PUM3: variants seen among roughly 807,000 people sequenced by gnomAD.
The protein encoded by PUM3 is pumilio RNA binding family member 3.
Under a neutral mutation model 84.0 loss-of-function variants are expected in PUM3, and 91 were observed. The ratio of observed to expected loss-of-function variants is 1.08; its 90% CI spans 0.91 to 1.29. The LOEUF (loss-of-function observed/expected upper bound fraction) is 1.29. Ranked by LOEUF, PUM3 falls within the 50% of genes most tolerant of loss-of-function variation. The pLI is 0.00. For synonymous variants in PUM3, 321 were observed against 266.7 expected (o/e 1.20, Z -1.98); for missense variants, 1,067 against 767.5 (o/e 1.39, Z -4.61).
At chr9:2,805,303 A>T (rs954709147) in intron 17 of PUM3, among the ~76,000 whole-genome samples, 2 of 152,194 alleles carry the variant, frequency 1.3e-5, no homozygotes, top group African/African-American at 2.4e-5. Context: ...AAGTGAAAGG[A>T]GCCATAGAGG....
chr9:2,824,590 G>T, intron 11 of PUM3, 127 bp downstream of exon 11: 2 of 479,526 alleles, frequency 4.2e-6, no homozygotes, highest in Non-Finnish European at 6.8e-6. Context: ...CACAACTTTT[G>T]GAAGATAATG....
At chr9:2,817,961 G>T (rs1821505517) in intron 13 of PUM3, among the ~76,000 whole-genome samples, 1 of 152,224 alleles carries the variant, frequency 6.6e-6, no homozygotes, top group Non-Finnish European at 1.5e-5. Context: ...TAAACTGGAT[G>T]AAACTTTATG....
chr9:2,823,909 T>C, intron 11 of PUM3, 75 bp from the exon 12 acceptor site: 2 of 702,744 alleles, frequency 2.8e-6, no homozygotes, highest in Non-Finnish European at 4.7e-6. Context: ...CATTTTAATA[T>C]AATATTTATT....
At chr9:2,840,749 T>C (rs560454333) in intron 1 of PUM3, among the ~76,000 whole-genome samples, 1 of 152,360 alleles carries the variant, frequency 6.6e-6, no homozygotes, top group East Asian at 1.9e-4. Flanking sequence ...TTGTTTTGCT[T>C]TTAAAGCACA....
chr9:2,813,603 G>C (rs1263048909), intron 13 of PUM3, among the ~76,000 whole-genome samples: 7 of 152,168 alleles, frequency 4.6e-5, no homozygotes, highest in African/African-American at 9.7e-5. Context: ...AATTCTCTCT[G>C]AGATGATATA....
At chr9:2,811,187 C>T (rs1821361160) in intron 15 of PUM3, among the ~76,000 whole-genome samples, 174 bp downstream of exon 15, 1 of 152,090 alleles carries the variant, frequency 6.6e-6, no homozygotes, top group Non-Finnish European at 1.5e-5. Flanking sequence ...AGGCTTTGAC[C>T]CAGATGGTTA....
Position 2,838,415 on chromosome 9 carries a change from G to C in PUM3, c.82+11C>G. 14 of 1,581,380 alleles carry C rather than the reference G, an allele frequency of 8.9e-6. No homozygotes were observed. Among genetic ancestry groups the C allele is most frequent in the Non-Finnish European group, 1.2e-5 (14 of 1,150,406 alleles). Reference sequence around the variant, plus strand: ...TAACAGCCAAACACCCACATGGGAAGCATATCTTACCACTATTTTTATGAA... The same window carrying C: ...TAACAGCCAAACACCCACATGGGAACCATATCTTACCACTATTTTTATGAA... On this transcript the variant is annotated intron_variant, in intron 2 of 17. Transcript: ENST00000397885.
chr9:2,804,887 C>T (rs1168847716), intron 17 of PUM3, among the ~76,000 whole-genome samples: 1 of 152,152 alleles, frequency 6.6e-6, no homozygotes, highest in Non-Finnish European at 1.5e-5. Context: ...CCAAAATATG[C>T]CCACCACGTG....
At chr9:2,806,086 T>C (rs912596948) in intron 17 of PUM3, among the ~76,000 whole-genome samples, 6 of 152,236 alleles carry the variant, frequency 3.9e-5, no homozygotes, top group Non-Finnish European at 7.3e-5. Context: ...ATAATAAACC[T>C]ATAGTATCCT....
intron 10 of PUM3, among the ~76,000 whole-genome samples, chr9:2,825,949 C>A (rs527846341): frequency 6.6e-6 from 1 of 152,136 alleles, no homozygotes; most frequent in African/African-American, 2.4e-5. Context: ...AAGGAACAAA[C>A]AATTTCAGCC....
intron 17 of PUM3, among the ~76,000 whole-genome samples, chr9:2,807,184 G>T (rs1586715272): frequency 2.6e-5 from 4 of 152,146 alleles, no homozygotes; most frequent in Admixed American, 2.6e-4. Context: ...CTCCAGCCTG[G>T]GCGACAGTGT....
chr9:2,818,969 T>C (rs1821529327), intron 13 of PUM3, among the ~76,000 whole-genome samples: 1 of 152,230 alleles, frequency 6.6e-6, no homozygotes, highest in Non-Finnish European at 1.5e-5. Flanking sequence ...TTTTGAATCA[T>C]CATATTCTTC....
intron 3 of PUM3, among the ~76,000 whole-genome samples, chr9:2,835,278 T>C (rs1816093463): frequency 6.6e-6 from 1 of 151,872 alleles, no homozygotes; most frequent in East Asian, 1.9e-4. Flanking sequence ...ATTAGCCGGG[T>C]GTGGTGGTAC....
chr9:2,840,644 T>C (rs1816242977), intron 1 of PUM3, among the ~76,000 whole-genome samples: 1 of 152,260 alleles, frequency 6.6e-6, no homozygotes, highest in Non-Finnish European at 1.5e-5. Context: ...TATAATCCAA[T>C]ACCACTGTTA....
At chr9:2,828,558 T>C in intron 9 of PUM3, 117 bp downstream of exon 9, 1 of 650,114 alleles carries the variant, frequency 1.5e-6, no homozygotes, top group Non-Finnish European at 2.7e-6. Flanking sequence ...CACTCTTATT[T>C]AGAATAGATT....
At position 2,823,832 on chromosome 9, in the gene PUM3, G is replaced by A. The variant is rs779189749; in HGVS notation, c.1137C>T (p.Asp379=). ...MHCLWHGTPK[D]RKVIVKTMKT... is the part of the protein sequence containing the mutation. ...TCATTGTTTTCACAATCACTTTCCT[G>A]TCCTTAAAAAGGAAAGATTGTCTCA... Residue 379 remains aspartate, a splice_region_variant and synonymous_variant, in exon 12 of 18, where the codon GAC becomes GAT. Transcript: ENST00000397885. 3 of 1,522,020 alleles carry A rather than the reference G, an allele frequency of 2.0e-6. No homozygotes were observed. The highest frequency in any genetic ancestry group is 1.2e-5 in the South Asian group (1 of 80,344). The allele number at this position is 1,522,020 out of a possible 1,614,324, so 94.3% of individuals were successfully genotyped here. A position where few individuals can be genotyped will look rare whatever the true frequency, so the allele number is the denominator to read the frequency against.
intron 13 of PUM3, among the ~76,000 whole-genome samples, chr9:2,817,557 T>C (rs755759089): frequency 1.3e-5 from 2 of 152,128 alleles, no homozygotes; most frequent in Non-Finnish European, 2.9e-5. Context: ...ATGTAAGACA[T>C]CATTTATACA....
chr9:2,843,537 G>A (rs991827366), intron 1 of PUM3, among the ~76,000 whole-genome samples: 3 of 151,812 alleles, frequency 2.0e-5, no homozygotes, highest in East Asian at 1.9e-4. Flanking sequence ...GGCACGCAGG[G>A]CAACGTGGTG....
chr9:2,830,068 G>A (rs1815934673), intron 7 of PUM3, 120 bp from the exon 8 acceptor site: 1 of 771,168 alleles, frequency 1.3e-6, no homozygotes, highest in Admixed American at 2.5e-5. Context: ...AGGAGTAAAT[G>A]AGCTAGCATG....
Sources: gnomAD v4.1 joint callset for allele counts (sites outside exome capture counted in the v4.1 genomes callset) on GRCh38, gnomAD v4.1.1 for gene constraint, MANE v1.5 for transcripts, NCBI Gene and HGNC (gene_info 2026-07-23, HGNC 2026-07-21) for gene names.